The following ATP8B4 variants were observed in gnomAD, a reference collection of about 807,000 sequenced individuals.
The protein encoded by ATP8B4 is ATPase phospholipid transporting 8B4 (putative), also known as probable phospholipid-transporting ATPase IM.
Under a neutral mutation model 145.6 loss-of-function variants are expected in ATP8B4, and 133 were observed. The observed-to-expected ratio is 0.91, with a 90% CI of 0.79 to 1.05. The LOEUF is 1.05. Among genes scored for constraint, ATP8B4 ranks in the 50% least tolerant of loss-of-function variants. The pLI, the probability that ATP8B4 is intolerant of heterozygous loss-of-function variation, is 0.00. For synonymous variants in ATP8B4, 507 were observed against 492.9 expected (o/e 1.03, Z -0.38); for missense variants, 1,458 against 1,425.2 (o/e 1.02, Z -0.37).
At chr15:50,177,792 G>A (rs1176397928) in intron 1 of ATP8B4, among the ~76,000 whole-genome samples, 1 of 152,176 alleles carries the variant, frequency 6.6e-6, no homozygotes, top group East Asian at 1.9e-4. Flanking sequence ...TTTTGGAGAT[G>A]GGGCTTAATA....
chr15:50,170,277 C>T (rs186317840), intron 1 of ATP8B4, among the ~76,000 whole-genome samples: 6 of 152,240 alleles, frequency 3.9e-5, no homozygotes, highest in African/African-American at 1.4e-4. Flanking sequence ...GAGACAGAAG[C>T]ACCAGGTAGC....
intron 23 of ATP8B4, 41 bp downstream of exon 23, chr15:49,897,251 C>A (rs2413976): frequency 0.47 from 710,829 of 1,513,706 alleles, 172,475 homozygotes; most frequent in Middle Eastern, 0.52. Flanking sequence ...CATACAAAAA[C>A]AAACAAACAA....
chr15:49,957,028 A>G (rs1284520595), intron 14 of ATP8B4, among the ~76,000 whole-genome samples: 1 of 152,104 alleles, frequency 6.6e-6, no homozygotes, highest in African/African-American at 2.4e-5. Flanking sequence ...CAAATATTAC[A>G]CACTTGACTA....
At chr15:49,982,044 A>T (rs898910862) in intron 10 of ATP8B4, among the ~76,000 whole-genome samples, 1 of 152,188 alleles carries the variant, frequency 6.6e-6, no homozygotes, top group African/African-American at 2.4e-5. Flanking sequence ...GCTAAATAGA[A>T]GCAATTAAGT....
chr15:50,027,823 G>T (rs1018897739), intron 6 of ATP8B4, among the ~76,000 whole-genome samples: 18 of 152,164 alleles, frequency 1.2e-4, no homozygotes, highest in Non-Finnish European at 1.5e-5. Flanking sequence ...GTAATGAAAT[G>T]TAACAAAATC....
chr15:49,901,800 C>T, intron 20 of ATP8B4: 1 of 419,240 alleles, frequency 2.4e-6, no homozygotes, highest in Non-Finnish European at 4.7e-6. Context: ...ATTGGCATAG[C>T]CATTATAATA....
chr15:49,938,572 T>A (rs1388385583), intron 14 of ATP8B4, among the ~76,000 whole-genome samples: 1 of 152,142 alleles, frequency 6.6e-6, no homozygotes. Flanking sequence ...CCAAATTATA[T>A]ATGCAGTCAA....
At chr15:50,139,812 A>G (rs992624939) in intron 1 of ATP8B4, among the ~76,000 whole-genome samples, 27 of 152,238 alleles carry the variant, frequency 1.8e-4, no homozygotes, top group African/African-American at 6.0e-4. Flanking sequence ...CATCCTAAAG[A>G]AACTATTTTT....
chr15:49,964,647 T>TA (rs1280519530), intron 13 of ATP8B4, among the ~76,000 whole-genome samples: 1 of 152,198 alleles, frequency 6.6e-6, no homozygotes, highest in Non-Finnish European at 1.5e-5. Context: ...ATTAAGAGTC[T>TA]AAAGGGATTA....
intron 7 of ATP8B4, among the ~76,000 whole-genome samples, chr15:50,010,387 C>T (rs2048640709): frequency 6.6e-6 from 1 of 151,866 alleles, no homozygotes; most frequent in South Asian, 2.1e-4. Context: ...ACAATCAATA[C>T]ACATTTTCTA....
At chr15:50,072,940 CT>C (rs2053858284) in intron 3 of ATP8B4, among the ~76,000 whole-genome samples, 5 of 22,208 alleles carry the variant, frequency 2.3e-4, no homozygotes, top group Non-Finnish European at 3.2e-4. Context: ...CTCTCTCTCT[CT>C]CTCTCTCTCT....
intron 23 of ATP8B4, among the ~76,000 whole-genome samples, chr15:49,882,540 C>T (rs2035582974): frequency 6.6e-6 from 1 of 152,098 alleles, no homozygotes. Flanking sequence ...TAACAGAATA[C>T]TATAGAATAA....
At position 49,876,512 on chromosome 15, in the gene ATP8B4, G is replaced by A. The variant is rs778524536; in HGVS notation, c.2793C>T (p.Asp931=). Residue 931 remains aspartate, a synonymous_variant, in exon 25 of 28, where the codon GAC becomes GAT. Coordinates refer to ENST00000284509, the MANE Select transcript of ATP8B4 (RefSeq NM_024837.4). ...GCTGGGGACAGTCCACGCTGTTCTG[G>A]TCACTCACATCCTGTAAACAGAGTG... ...AMGIFDQDVS[D]QNSVDCPQLY... is the part of the protein sequence containing the mutation. 1 of 1,613,996 alleles carries A rather than the reference G, an allele frequency of 6.2e-7. No homozygotes were observed. The highest frequency in any genetic ancestry group is 1.3e-5 in the African/African-American group (1 of 75,044).
chr15:49,909,640 C>T (rs925488802), intron 20 of ATP8B4, among the ~76,000 whole-genome samples: 1 of 142,212 alleles, frequency 7.0e-6, no homozygotes, highest in African/African-American at 2.7e-5. Context: ...TCCCCATGCC[C>T]AATAAAACTT....
chr15:49,919,240 G>T (rs1054584947), intron 18 of ATP8B4, among the ~76,000 whole-genome samples: 2 of 152,080 alleles, frequency 1.3e-5, no homozygotes, highest in African/African-American at 4.8e-5. Flanking sequence ...AAGCCATTTG[G>T]ACTTAAGAAC....
chr15:49,940,027 G>A (rs2042039661), intron 14 of ATP8B4, among the ~76,000 whole-genome samples: 1 of 152,076 alleles, frequency 6.6e-6, no homozygotes, highest in South Asian at 2.1e-4. Context: ...TACCATTTAA[G>A]CCAACAGCCC....
At chr15:49,972,473 A>G in intron 13 of ATP8B4, 109 bp downstream of exon 13, 1 of 1,045,674 alleles carries the variant, frequency 9.6e-7, no homozygotes. Context: ...TGCCCATATT[A>G]ATAAGAAAGC....
chr15:49,999,775 G>GAA (rs2047736331), intron 8 of ATP8B4, among the ~76,000 whole-genome samples: 1 of 152,058 alleles, frequency 6.6e-6, no homozygotes, highest in African/African-American at 2.4e-5. Context: ...TATTGAAATA[G>GAA]TTAAGATACA....
At chr15:50,167,252 T>C (rs2044609086) in intron 1 of ATP8B4, among the ~76,000 whole-genome samples, 1 of 152,230 alleles carries the variant, frequency 6.6e-6, no homozygotes, top group Non-Finnish European at 1.5e-5. Flanking sequence ...CTTGATGTCT[T>C]AAAACAACAG....
Sources: allele counts gnomAD v4.1 joint callset (sites outside exome capture counted in the v4.1 genomes callset), GRCh38; gene constraint gnomAD v4.1.1; transcripts MANE v1.5; gene names NCBI Gene and HGNC (gene_info 2026-07-23, HGNC 2026-07-21).